The following ANO1 variants were observed in gnomAD, a reference collection of about 807,000 sequenced individuals.
ANO1 encodes the protein anoctamin-1.
In ANO1, 59 loss-of-function variants were observed where a neutral mutation model predicts 124.0. The observed-to-expected ratio is 0.48, with a 90% CI of 0.39 to 0.59. ANO1 has a LOEUF of 0.59. ANO1 is among the 20% of genes least tolerant of loss of function. The pLI is 0.00. For missense variants in ANO1, 1,059 were observed against 1,328.0 expected, an observed-to-expected ratio of 0.80 and a Z score of 3.15; for synonymous variants, 529 against 532.0, an observed-to-expected ratio of 0.99 and a Z score of 0.08.
At chr11:70,106,835 C>A (rs1366088171) in intron 5 of ANO1, among the ~76,000 whole-genome samples, 1 of 152,172 alleles carries the variant, frequency 6.6e-6, no homozygotes, top group East Asian at 1.9e-4. Context: ...TTGGGGTGGT[C>A]CAGTGTGCAA....
At chr11:70,050,839 C>T (rs1298797625) in intron 1 of ANO1, among the ~76,000 whole-genome samples, 1 of 152,160 alleles carries the variant, frequency 6.6e-6, no homozygotes, top group Non-Finnish European at 1.5e-5. Flanking sequence ...ATTTCCTCAT[C>T]TGTCAAATGG....
At chr11:70,113,507 C>T (rs1050894366) in intron 7 of ANO1, among the ~76,000 whole-genome samples, 7 of 152,104 alleles carry the variant, frequency 4.6e-5, no homozygotes, top group African/African-American at 1.7e-4. Flanking sequence ...CCAGAGGACC[C>T]AGCCGGTCTG....
upstream of ANO1, among the ~76,000 whole-genome samples, chr11:70,077,581 C>G (rs921619791): frequency 1.7e-4 from 26 of 152,286 alleles, no homozygotes; most frequent in East Asian, 4.3e-3. Flanking sequence ...ACCATCCCCC[C>G]CGCTCCGCCC....
intron 1 of ANO1, among the ~76,000 whole-genome samples, chr11:70,023,758 A>G (rs1311202346): frequency 6.6e-6 from 1 of 152,190 alleles, no homozygotes; most frequent in Admixed American, 6.5e-5. Context: ...TTTCCTTCCC[A>G]GCATCTGCAT....
intron 1 of ANO1, among the ~76,000 whole-genome samples, chr11:70,032,563 C>T (rs1411703378): frequency 6.6e-6 from 1 of 151,614 alleles, no homozygotes; most frequent in South Asian, 2.1e-4. Context: ...GGGTAGAATC[C>T]GCAGAACCCA....
intron 1 of ANO1, among the ~76,000 whole-genome samples, chr11:70,013,671 G>C (rs571951416): frequency 2.0e-5 from 3 of 151,942 alleles, no homozygotes; most frequent in Non-Finnish European, 4.4e-5. Context: ...GTGTGGTGAC[G>C]CATGCCTCAA....
intron 1 of ANO1, among the ~76,000 whole-genome samples, chr11:69,997,270 G>A (rs567034063): frequency 6.6e-6 from 1 of 152,212 alleles, no homozygotes; most frequent in Admixed American, 6.5e-5. Context: ...GCCCTGTCCT[G>A]CCATTACCCC....
chr11:69,966,804 C>G, the ANO1 span, among the ~76,000 whole-genome samples: 1 of 152,206 alleles, frequency 6.6e-6, no homozygotes, highest in Non-Finnish European at 1.5e-5. Flanking sequence ...GTGTCCCACC[C>G]TGCCCAGTTG....
intron 1 of ANO1, among the ~76,000 whole-genome samples, chr11:70,048,048 A>C (rs774748836): frequency 2.0e-5 from 3 of 152,274 alleles, no homozygotes; most frequent in Non-Finnish European, 1.5e-5. Context: ...AATTTAAAAT[A>C]AAATGGCTTT....
chr11:70,127,565 G>T (rs1036966887), intron 10 of ANO1, among the ~76,000 whole-genome samples: 2 of 152,182 alleles, frequency 1.3e-5, no homozygotes, highest in African/African-American at 4.8e-5. Flanking sequence ...GTGCGATGGC[G>T]CATGCCTGTA....
At chr11:70,049,468 C>T (rs1177274788) in intron 1 of ANO1, among the ~76,000 whole-genome samples, 1 of 152,174 alleles carries the variant, frequency 6.6e-6, no homozygotes, top group Non-Finnish European at 1.5e-5. Flanking sequence ...AGTACAATGC[C>T]TGCCACATAG....
rs143075049 is a variant in ANO1 at position 70,097,029 on chromosome 11, G to C, written c.442-6037G>C. Reference sequence around the variant, plus strand: ...TTGAATTTCTTGTTTCTTTTCCTGTGGTGCATTCTTTACTATGTATCCTGG... The same window carrying C: ...TTGAATTTCTTGTTTCTTTTCCTGTCGTGCATTCTTTACTATGTATCCTGG... On this transcript the variant is annotated intron_variant, in intron 2 of 25. Coordinates refer to ENST00000355303, the MANE Select transcript of ANO1 (RefSeq NM_018043.7). Among the ~76,000 whole-genome samples the C allele has an allele frequency of 7.9e-5, 12 of 152,216 alleles. No homozygotes were observed. In the East Asian group the frequency reaches 1.9e-3, roughly 24 times the overall value.
chr11:69,968,470 C>T, the ANO1 span, among the ~76,000 whole-genome samples: 26 of 152,192 alleles, frequency 1.7e-4, no homozygotes, highest in Non-Finnish European at 1.0e-4. Context: ...TTGTTCTCGA[C>T]GTGTCGGAGA....
Position 69,988,767 on chromosome 11 carries a change from C to T in ANO1, c.58+2601C>T, listed in dbSNP as rs61435744. 9.3e-3 allele frequency among the ~76,000 whole-genome samples: 1,419 copies of T among 152,240 alleles called. 22 individuals carry two copies. The highest frequency in any genetic ancestry group is 0.041 in the Middle Eastern group (12 of 294). ...GCAGGTGGAGTTAGGGTGAGGTCTG[C>T]GGCATCCCTCCACTGGGACATGTCT... is the stretch of plus-strand genomic sequence containing the variant. On this transcript the variant is annotated intron_variant, in intron 1 of 27. Coordinates refer to the ANO1 transcript ENST00000531349.
At chr11:70,130,687 A>T (rs1328346102) in intron 10 of ANO1, among the ~76,000 whole-genome samples, 1 of 152,226 alleles carries the variant, frequency 6.6e-6, no homozygotes, top group Non-Finnish European at 1.5e-5. Context: ...TCTCCTGGCC[A>T]CAGTAGTTGG....
intron 1 of ANO1, among the ~76,000 whole-genome samples, chr11:70,043,712 A>C (rs967165819): frequency 6.6e-6 from 1 of 152,162 alleles, no homozygotes; most frequent in African/African-American, 2.4e-5. Flanking sequence ...AGAATTCTAT[A>C]CTCAGCAAAA....
chr11:70,162,180 T>C (rs2048077312), intron 18 of ANO1, among the ~76,000 whole-genome samples: 1 of 136,444 alleles, frequency 7.3e-6, no homozygotes, highest in Admixed American at 7.3e-5. Context: ...CCTTGGGCAG[T>C]GGGGACCCCA....
intron 1 of ANO1, among the ~76,000 whole-genome samples, chr11:70,087,449 C>T (rs1181622120): frequency 6.6e-6 from 1 of 152,220 alleles, no homozygotes; most frequent in African/African-American, 2.4e-5. Context: ...TCCTGACATC[C>T]AGCCTGCTCT....
chr11:70,084,519 A>G (rs992915497), intron 1 of ANO1, among the ~76,000 whole-genome samples: 3 of 152,098 alleles, frequency 2.0e-5, no homozygotes, highest in Non-Finnish European at 2.9e-5. Flanking sequence ...GCTGCTCCGC[A>G]TTTAGCAGAA....
Sources: gnomAD v4.1 joint callset for allele counts (sites outside exome capture counted in the v4.1 genomes callset) on GRCh38, gnomAD v4.1.1 for gene constraint, MANE v1.5 for transcripts, NCBI Gene and HGNC (gene_info 2026-07-23, HGNC 2026-07-21) for gene names.